The following NMD3 variants were observed in gnomAD, a reference collection of about 807,000 sequenced individuals.
NMD3 encodes NMD3 ribosome export adaptor.
NMD3 carries 47 observed loss-of-function variants against 73.1 expected under a neutral mutation model. The ratio of observed to expected loss-of-function variants is 0.64; its 90% CI spans 0.51 to 0.82. The LOEUF is 0.82. Ranked by LOEUF, NMD3 falls within the 40% of genes least tolerant of loss-of-function variation. The pLI, the probability that NMD3 is intolerant of heterozygous loss-of-function variation, is 0.00. For missense variants in NMD3, 554 were observed against 612.5 expected (o/e 0.90, Z 1.01); for synonymous variants, 210 against 194.5 (o/e 1.08, Z -0.66).
At chr3:161,249,171 G>T (rs957161488) in intron 13 of NMD3, among the ~76,000 whole-genome samples, 1 of 152,010 alleles carries the variant, frequency 6.6e-6, no homozygotes, top group Non-Finnish European at 1.5e-5. Flanking sequence ...TGAGTTAAAA[G>T]AAAACTACAG....
chr3:161,227,318 A>G lies in NMD3; in HGVS notation c.251A>G (p.Lys84Arg), dbSNP rs1434356687. The change falls in exon 4 of 16, where the codon AAA (lysine) becomes AGA (arginine). Residue 84 changes from lysine to arginine, a missense_variant. Lys to Arg is a conservative substitution (Grantham distance 26, BLOSUM62 2). Transcript: ENST00000351193. The stretch of plus-strand genomic sequence containing the variant: ...AGGGAACTTCTTGCTTTGTGCTTGA[A>G]AAAAATCAAAGCCCCTCTGAGTAAG... ...ESRELLALCL[K>R]KIKAPLSKVR... 6.2e-7 allele frequency: 1 copy of G among 1,612,136 alleles called. No homozygotes were observed. The highest frequency in any genetic ancestry group is 2.2e-5 in the East Asian group (1 of 44,818).
chr3:161,234,088 A>C (rs1247960469), intron 5 of NMD3, among the ~76,000 whole-genome samples: 1 of 152,082 alleles, frequency 6.6e-6, no homozygotes, highest in Non-Finnish European at 1.5e-5. Context: ...CTGATCAGTT[A>C]TGTTTGGGAA....
At chr3:161,232,951 A>G (rs1736597777) in intron 4 of NMD3, among the ~76,000 whole-genome samples, 1 of 152,202 alleles carries the variant, frequency 6.6e-6, no homozygotes, top group African/African-American at 2.4e-5. Flanking sequence ...TATTCAGTGC[A>G]TGCAACTTCT....
At chr3:161,241,706 A>G (rs1736994591) in intron 10 of NMD3, among the ~76,000 whole-genome samples, 1 of 152,148 alleles carries the variant, frequency 6.6e-6, no homozygotes, top group Non-Finnish European at 1.5e-5. Context: ...AGCGTGAGCC[A>G]CCATGTCCAG....
At chr3:161,239,427 A>C (rs1404905489) in intron 9 of NMD3, among the ~76,000 whole-genome samples, 1 of 152,218 alleles carries the variant, frequency 6.6e-6, no homozygotes, top group Non-Finnish European at 1.5e-5. Context: ...TTGTATAACT[A>C]CAGGTCTCTG....
At position 161,238,783 on chromosome 3, in the gene NMD3, A is replaced by G. The variant is rs997064705; in HGVS notation, c.710A>G (p.Asn237Ser). ...ISQDIHSNTYNYKSTFSVEIV... is the reference protein window; with the variant it reads ...ISQDIHSNTYSYKSTFSVEIV... ...CAAGATATCCATAGTAACACATACAATTACAAAAGCACTTTTTCTGTGGAA... is the reference window on the plus strand; with the variant it reads ...CAAGATATCCATAGTAACACATACAGTTACAAAAGCACTTTTTCTGTGGAA... The change falls in exon 9 of 16, where the codon AAT becomes AGT. Residue 237 changes from asparagine to serine, a missense_variant. Transcript: ENST00000351193. 39 of 1,577,580 alleles carry G rather than the reference A, an allele frequency of 2.5e-5. No homozygotes were observed. The highest frequency in any genetic ancestry group is 3.2e-5 in the Non-Finnish European group (37 of 1,156,510).
In NMD3 at chr3:161,222,044, A is replaced by C. The variant is rs148260918; in HGVS notation, c.31A>C (p.Ser11Arg). 647 of 1,590,074 alleles carry C rather than the reference A, an allele frequency of 4.1e-4. No homozygotes were observed. The highest frequency in any genetic ancestry group is 5.1e-4 in the Non-Finnish European group (601 of 1,167,896). The change falls in exon 2 of 16, where the codon AGC becomes CGC. Residue 11 changes from serine (S) to arginine (R), a missense_variant. Physicochemically the swap from Ser to Arg is moderately radical, Grantham distance 110. Transcript: ENST00000351193. The part of the protein sequence containing the change: MEYMAESTDR[S>R]PGHILCCECG... ...GTATATGGCAGAATCCACCGACCGC[A>C]GCCCTGGACACATGTGAGTGCGACA...
At chr3:161,252,945 A>G (rs1737545364), downstream of NMD3, 2 of 512,098 alleles carry the variant, frequency 3.9e-6, no homozygotes, top group Non-Finnish European at 7.0e-6. Context: ...CTAAAAATGC[A>G]AAAATTATCC....
chr3:161,246,328 C>T lies in NMD3; in HGVS notation c.1018-8C>T. The T allele has an allele frequency of 4.2e-6, 5 of 1,179,380 alleles. No individual in the cohort carries two copies. The highest frequency in any genetic ancestry group is 6.0e-6 in the Non-Finnish European group (5 of 830,968). The allele number at this position is 1,179,380 out of a possible 1,614,324, so 73.1% of individuals were successfully genotyped here. ...ATTATTGAAGAGTACATTTTCTTTC[C>T]TCTTAAGCATACCCTCGGGGAAGTC... On this transcript the variant is annotated splice_polypyrimidine_tract_variant and splice_region_variant and intron_variant, in intron 11 of 15. Coordinates refer to ENST00000351193, the MANE Select transcript of NMD3 (RefSeq NM_015938.5).
chr3:161,246,261 G>A (rs542140150), intron 11 of NMD3, 75 bp from the exon 12 acceptor site: 5 of 555,740 alleles, frequency 9.0e-6, no homozygotes, highest in Non-Finnish European at 1.5e-5. Flanking sequence ...AATCAATATT[G>A]TATTTAACTT....
rs899669419 is a variant in NMD3, at chr3:161,247,312, A to G, written c.1185A>G (p.Ser395=). 5 of 1,607,122 alleles carry G rather than the reference A, an allele frequency of 3.1e-6. No homozygotes were observed. The highest frequency in any genetic ancestry group is 4.3e-6 in the Non-Finnish European group (5 of 1,174,038). The change falls in exon 13 of 16, where the codon TCA becomes TCG. Residue 395 remains serine, a synonymous_variant. Coordinates refer to ENST00000351193, the MANE Select transcript of NMD3 (RefSeq NM_015938.5). ...ATGAGCATGTCAACAAAATGAACTC[A>G]GATAGAGTTCCAGATGTGGTAAGGC... The part of the protein sequence containing the change: ...LNDEHVNKMN[S]DRVPDVVLIK...
rs1334026888 is a variant in NMD3, at chr3:161,221,356, G to C, written c.-74G>C. Reference sequence around the variant, plus strand: ...GGTTGGCAGCTGACGGGACAGCCGGGGTCTATTTTGTTGCGGGTTTTCAGC... The same window carrying C: ...GGTTGGCAGCTGACGGGACAGCCGGCGTCTATTTTGTTGCGGGTTTTCAGC... On this transcript the variant is annotated 5_prime_UTR_variant, in exon 1 of 16. Coordinates refer to ENST00000351193, the MANE Select transcript of NMD3 (RefSeq NM_015938.5). 6.6e-6 allele frequency: 1 copy of C among 152,416 alleles called. No homozygotes were observed. Among genetic ancestry groups the C allele is most frequent in the East Asian group, 1.9e-4 (1 of 5,186 alleles). The allele number at this position is 152,416 out of a possible 1,614,324, so 9.4% of individuals were successfully genotyped here. A position where few individuals can be genotyped will look rare whatever the true frequency, so the allele number is the denominator to read the frequency against.
intron 3 of NMD3, among the ~76,000 whole-genome samples, chr3:161,226,433 C>T (rs12494725): frequency 6.6e-6 from 1 of 151,458 alleles, no homozygotes; most frequent in Non-Finnish European, 1.5e-5. Context: ...GGGGATGGAG[C>T]GAGACTCTGT....
chr3:161,233,268 T>C, intron 4 of NMD3, 131 bp from the exon 5 acceptor site: 1 of 479,214 alleles, frequency 2.1e-6, no homozygotes, highest in Non-Finnish European at 3.8e-6. Context: ...TTTGTGATGA[T>C]GGTGTGTAGT....
intron 14 of NMD3, 46 bp downstream of exon 14, chr3:161,249,606 T>C: frequency 8.7e-7 from 1 of 1,146,498 alleles, no homozygotes; most frequent in Non-Finnish European, 1.3e-6. Flanking sequence ...AAGGAAATAT[T>C]TATGATAAAT....
chr3:161,221,956 CTCTTTTTTTTTTTT>C, intron 1 of NMD3, 24 bp from the exon 2 acceptor site: 2 of 1,029,932 alleles, frequency 1.9e-6, no homozygotes, highest in South Asian at 1.5e-5. Flanking sequence ...TCCCAACATT[CTCTTTTTTTTTTTT>C]TTTTTTTTTT....
At chr3:161,228,256 T>C (rs1341754154) in intron 4 of NMD3, among the ~76,000 whole-genome samples, 1 of 152,186 alleles carries the variant, frequency 6.6e-6, no homozygotes, top group Non-Finnish European at 1.5e-5. Context: ...AATAGTTCTT[T>C]GAAATTTCTG....
intron 13 of NMD3, among the ~76,000 whole-genome samples, chr3:161,247,712 C>T (rs1010914980): frequency 4.7e-5 from 7 of 150,096 alleles, no homozygotes; most frequent in Admixed American, 2.7e-4. Context: ...TTGCCTGAAC[C>T]GAGGAGGTGG....
At chr3:161,230,037 C>T (rs545492280) in intron 4 of NMD3, among the ~76,000 whole-genome samples, 55 of 152,130 alleles carry the variant, frequency 3.6e-4, no homozygotes, top group African/African-American at 1.2e-3. Flanking sequence ...TTGCTGTAAA[C>T]GAAAACAAAG....
Sources: allele counts gnomAD v4.1 joint callset (sites outside exome capture counted in the v4.1 genomes callset), GRCh38; gene constraint gnomAD v4.1.1; transcripts MANE v1.5; gene names NCBI Gene and HGNC (gene_info 2026-07-23, HGNC 2026-07-21).